Variants in RGCC observed in about 807,000 individuals in gnomAD.
RGCC encodes the protein regulator of cell cycle.
A neutral mutation model predicts 15.4 loss-of-function variants in RGCC; 15 were observed. The ratio of observed to expected loss-of-function variants is 0.97; its 90% CI spans 0.65 to 1.50. RGCC has a LOEUF of 1.50. RGCC is among the 40% of genes most tolerant of loss of function. The pLI, the probability that RGCC is intolerant of heterozygous loss-of-function variation, is 0.00. For missense variants in RGCC, 176 were observed against 189.7 expected (o/e 0.93, Z 0.42); for synonymous variants, 81 against 78.0 (o/e 1.04, Z -0.20).
intron 2 of RGCC, among the ~76,000 whole-genome samples, chr13:41,461,755 T>C (rs759002432): frequency 2.0e-5 from 3 of 152,236 alleles, no homozygotes; most frequent in Non-Finnish European, 4.4e-5. Flanking sequence ...TATTCTGGCC[T>C]GGCCCTGGGA....
chr13:41,460,462 C>G (rs922942753), intron 2 of RGCC, among the ~76,000 whole-genome samples: 2 of 152,172 alleles, frequency 1.3e-5, no homozygotes, highest in Non-Finnish European at 2.9e-5. Flanking sequence ...CAGCAGCTCA[C>G]TTTTAGCAAA....
In RGCC at chr13:41,458,199, G is replaced by A. The variant is rs900558298; in HGVS notation, c.50-86G>A. ...GGCGCCAAGTGTCAGTTATCTTCGGGAACCGTGGCGGCCCCTCCTGGCCCT... is the reference window on the plus strand; with the variant it reads ...GGCGCCAAGTGTCAGTTATCTTCGGAAACCGTGGCGGCCCCTCCTGGCCCT... On this transcript the variant is annotated intron_variant, in intron 1 of 4. Transcript: ENST00000379359. The surrounding 1 kb of genome is among the most constrained non-coding windows in gnomAD (Gnocchi z 4.4). 1 of 1,152,550 alleles carries A rather than the reference G, an allele frequency of 8.7e-7. No individual in the cohort carries two copies. Among genetic ancestry groups the A allele is most frequent in the South Asian group, 1.5e-5 (1 of 65,362 alleles). The allele number at this position is 1,152,550 out of a possible 1,614,324, so 71.4% of individuals were successfully genotyped here. A position where few individuals can be genotyped will look rare whatever the true frequency, so the allele number is the denominator to read the frequency against.
Position 41,470,715 on chromosome 13 carries a change from G to C in RGCC, c.*230G>C, listed in dbSNP as rs2043871823. 2.0e-6 allele frequency: 1 copy of C among 504,878 alleles called. No individual in the cohort carries two copies. The highest frequency in any genetic ancestry group is 1.9e-5 in the African/African-American group (1 of 51,866). The allele number at this position is 504,878 out of a possible 1,614,324, so 31.3% of individuals were successfully genotyped here. On this transcript the variant is annotated 3_prime_UTR_variant, in exon 5 of 5. Transcript: ENST00000379359. Reference sequence around the variant, plus strand: ...CTGCTTGCAGCATATTAGAACAGACGATCCATGCTAATATTGTATTTTCTC... The same window carrying C: ...CTGCTTGCAGCATATTAGAACAGACCATCCATGCTAATATTGTATTTTCTC...
At chr13:41,460,018 A>G (rs2043813334) in intron 2 of RGCC, among the ~76,000 whole-genome samples, 1 of 152,224 alleles carries the variant, frequency 6.6e-6, no homozygotes, top group Non-Finnish European at 1.5e-5. Flanking sequence ...AGATGCCTTA[A>G]AGAGAAGACA....
At chr13:41,469,657 T>G (rs530860901) in intron 4 of RGCC, among the ~76,000 whole-genome samples, 1 of 152,154 alleles carries the variant, frequency 6.6e-6, no homozygotes, top group Non-Finnish European at 1.5e-5. Context: ...AGAATTGGCT[T>G]GTGGGGCCTT....
intron 2 of RGCC, among the ~76,000 whole-genome samples, chr13:41,463,123 A>G (rs1456387292): frequency 5.3e-5 from 8 of 152,182 alleles, no homozygotes; most frequent in Non-Finnish European, 1.2e-4. Context: ...TTCTTCTAAC[A>G]AGGAAGAAAC....
At chr13:41,463,237 G>A (rs898419714) in intron 2 of RGCC, among the ~76,000 whole-genome samples, 2 of 152,088 alleles carry the variant, frequency 1.3e-5, no homozygotes, top group Admixed American at 6.6e-5. Flanking sequence ...TAGCTTTGGG[G>A]CCTTGAGGGC....
At chr13:41,459,085 T>C (rs932218152) in intron 2 of RGCC, among the ~76,000 whole-genome samples, 3 of 152,104 alleles carry the variant, frequency 2.0e-5, no homozygotes, top group African/African-American at 7.2e-5. Context: ...AGAGAGCACA[T>C]GGGCATGAAG....
rs2043802159 is a variant in RGCC, at chr13:41,458,175, G to A, written c.50-110G>A. Reference sequence around the variant, plus strand: ...ACTGCGTGGCTGTCACTTGGCAGAGGCGCCAAGTGTCAGTTATCTTCGGGA... The same window carrying A: ...ACTGCGTGGCTGTCACTTGGCAGAGACGCCAAGTGTCAGTTATCTTCGGGA... On this transcript the variant is annotated intron_variant, in intron 1 of 4. Transcript: ENST00000379359. This position sits in a 1 kb window ranked among gnomAD's most constrained non-coding sequence, Gnocchi z 4.4. 1.1e-6 allele frequency: 1 copy of A among 884,416 alleles called. No individual in the cohort carries two copies. The highest frequency in any genetic ancestry group is 2.9e-5 in the Admixed American group (1 of 35,084). 54.8% of individuals were successfully genotyped at this position (884,416 alleles called of 1,614,324 possible). A position where few individuals can be genotyped will look rare whatever the true frequency, so the allele number is the denominator to read the frequency against.
chr13:41,459,668 G>C (rs901992561), intron 2 of RGCC, among the ~76,000 whole-genome samples: 4 of 152,240 alleles, frequency 2.6e-5, no homozygotes, highest in Non-Finnish European at 5.9e-5. Flanking sequence ...ATGGAAGAAA[G>C]TACTGTTACT....
chr13:41,461,282 A>C (rs528398045), intron 2 of RGCC, among the ~76,000 whole-genome samples: 3 of 152,378 alleles, frequency 2.0e-5, no homozygotes, highest in East Asian at 3.9e-4. Context: ...TTTTAACTTC[A>C]GTAGTGAAAG....
At chr13:41,467,268 A>G (rs971971397) in intron 3 of RGCC, among the ~76,000 whole-genome samples, 1 of 152,230 alleles carries the variant, frequency 6.6e-6, no homozygotes, top group African/African-American at 2.4e-5. Context: ...TGTTGGTTCT[A>G]GAATTTAAAA....
chr13:41,460,861 T>C (rs919433639), intron 2 of RGCC, among the ~76,000 whole-genome samples: 2 of 152,230 alleles, frequency 1.3e-5, no homozygotes, highest in Non-Finnish European at 2.9e-5. Context: ...AAACCAATGT[T>C]ACCTTTGTTT....
Position 41,457,621 on chromosome 13 carries a change from T to G in RGCC, c.-87T>G. 6.7e-7 allele frequency: 1 copy of G among 1,482,540 alleles called. No homozygotes were observed. The allele number at this position is 1,482,540 out of a possible 1,614,324, so 91.8% of individuals were successfully genotyped here. On this transcript the variant is annotated 5_prime_UTR_variant, in exon 1 of 5. Transcript: ENST00000379359. This position sits in a 1 kb window ranked among gnomAD's most constrained non-coding sequence, Gnocchi z 4.9. Reference sequence around the variant, plus strand: ...GCCGAAGGGACTGGCAGGGCTGAAGTGTGCGGGACAGCAAGCCCCCGAATA... The same window carrying G: ...GCCGAAGGGACTGGCAGGGCTGAAGGGTGCGGGACAGCAAGCCCCCGAATA...
chr13:41,470,712 G>T lies in RGCC; in HGVS notation c.*227G>T, dbSNP rs2139579801. On this transcript the variant is annotated 3_prime_UTR_variant, in exon 5 of 5. Transcript: ENST00000379359. ...TACCTGCTTGCAGCATATTAGAACA[G>T]ACGATCCATGCTAATATTGTATTTT... 3.8e-6 allele frequency: 2 copies of T among 524,368 alleles called. No individual in the cohort carries two copies. Among genetic ancestry groups the T allele is most frequent in the Admixed American group, 6.9e-5 (2 of 28,838 alleles). The allele number at this position is 524,368 out of a possible 1,614,324, so 32.5% of individuals were successfully genotyped here. A position where few individuals can be genotyped will look rare whatever the true frequency, so the allele number is the denominator to read the frequency against.
intron 2 of RGCC, among the ~76,000 whole-genome samples, chr13:41,460,900 A>C (rs1210273608): frequency 6.6e-6 from 1 of 152,214 alleles, no homozygotes; most frequent in Non-Finnish European, 1.5e-5. Flanking sequence ...GCTCTGTCTG[A>C]AGGTGCACCA....
intron 3 of RGCC, among the ~76,000 whole-genome samples, chr13:41,467,456 A>G (rs2043854422): frequency 6.6e-6 from 1 of 152,250 alleles, no homozygotes; most frequent in Non-Finnish European, 1.5e-5. Context: ...TAATAGACCT[A>G]AAATGTCTTT....
At chr13:41,468,253 G>T (rs1362895962) in intron 3 of RGCC, among the ~76,000 whole-genome samples, 2 of 152,148 alleles carry the variant, frequency 1.3e-5, no homozygotes, top group Admixed American at 1.3e-4. Context: ...GCCCTGGGGG[G>T]ACAGCACAAG....
At chr13:41,469,764 G>A (rs2043866875) in intron 4 of RGCC, among the ~76,000 whole-genome samples, 1 of 152,160 alleles carries the variant, frequency 6.6e-6, no homozygotes, top group South Asian at 2.1e-4. Context: ...TACCTGTTTT[G>A]TGTGACCAAA....
Sources: gnomAD v4.1 joint callset for allele counts (sites outside exome capture counted in the v4.1 genomes callset) on GRCh38, gnomAD v4.1.1 for gene constraint, Gnocchi (gnomAD v3.1) non-coding constraint, MANE v1.5 for transcripts, NCBI Gene and HGNC (gene_info 2026-07-23, HGNC 2026-07-21) for gene names.